LRP1B: variants seen among roughly 807,000 people sequenced by gnomAD.
The protein encoded by LRP1B is low-density lipoprotein receptor-related protein 1B.
Under a neutral mutation model 556.6 loss-of-function variants are expected in LRP1B, and 217 were observed. The observed-to-expected ratio is 0.39, with a 90% confidence interval of 0.35 to 0.44. The LOEUF (loss-of-function observed/expected upper bound fraction) is 0.44, where lower values mean the gene tolerates loss of function less well. LRP1B is among the 20% of genes least tolerant of loss of function. The pLI is 1.00. For synonymous variants in LRP1B, 2,047 were observed against 1,865.8 expected (o/e 1.10, Z -2.50); for missense variants, 5,053 against 5,620.8 (o/e 0.90, Z 3.23).
intron 2 of LRP1B, among the ~76,000 whole-genome samples, chr2:141,608,720 T>G (rs1045559861): frequency 6.6e-6 from 1 of 152,210 alleles, no homozygotes; most frequent in Admixed American, 6.5e-5. Context: ...ATAAAGGATA[T>G]ATGGCCCATT....
chr2:141,113,835 C>T (rs1309631277), intron 7 of LRP1B, among the ~76,000 whole-genome samples: 1 of 152,090 alleles, frequency 6.6e-6, no homozygotes, highest in Admixed American at 6.6e-5. Flanking sequence ...ACTTATACTA[C>T]TTATTGGTAG....
intron 1 of LRP1B, among the ~76,000 whole-genome samples, chr2:142,055,845 TA>T (rs1219244286): frequency 1.3e-5 from 2 of 152,144 alleles, no homozygotes; most frequent in Non-Finnish European, 2.9e-5. Flanking sequence ...ACTATTTCTC[TA>T]TTTTTCAGAA....
chr2:141,274,269 GTTAC>G (rs1312481975), intron 3 of LRP1B, among the ~76,000 whole-genome samples: 2 of 152,196 alleles, frequency 1.3e-5, no homozygotes, highest in South Asian at 2.1e-4. Context: ...TCATAGCAGA[GTTAC>G]TTACAGTAGC....
At chr2:140,409,158 G>T (rs1684868069) in intron 66 of LRP1B, among the ~76,000 whole-genome samples, 2 of 151,918 alleles carry the variant, frequency 1.3e-5, no homozygotes, top group African/African-American at 4.8e-5. Context: ...CTGCCATGAT[G>T]AATTCATTGG....
At chr2:141,624,827 T>TG (rs1688644738) in intron 2 of LRP1B, among the ~76,000 whole-genome samples, 1 of 152,340 alleles carries the variant, frequency 6.6e-6, no homozygotes, top group Admixed American at 6.5e-5. Context: ...TGGAGTGCAG[T>TG]GGCGCGATCT....
At chr2:140,968,230 G>A (rs868277553) in intron 18 of LRP1B, among the ~76,000 whole-genome samples, 4 of 151,838 alleles carry the variant, frequency 2.6e-5, no homozygotes, top group African/African-American at 9.7e-5. Flanking sequence ...TCTATTCAGG[G>A]ATTCAACTTC....
At chr2:140,284,880 C>A (rs1431502469) in intron 84 of LRP1B, among the ~76,000 whole-genome samples, 7 of 98,652 alleles carry the variant, frequency 7.1e-5, no homozygotes, top group East Asian at 2.8e-4. Flanking sequence ...ATATATCTAT[C>A]TATATCTATA....
intron 7 of LRP1B, among the ~76,000 whole-genome samples, chr2:141,125,152 C>G (rs1215950774): frequency 1.3e-5 from 2 of 152,070 alleles, no homozygotes; most frequent in East Asian, 3.9e-4. Context: ...TTTGGATACC[C>G]AAGACAAGTA....
At chr2:141,946,223 C>T (rs565338628) in intron 1 of LRP1B, among the ~76,000 whole-genome samples, 1 of 152,114 alleles carries the variant, frequency 6.6e-6, no homozygotes. Context: ...GCTCCATTCC[C>T]TTTATCTTCT....
intron 7 of LRP1B, among the ~76,000 whole-genome samples, chr2:141,078,702 G>A (rs754696004): frequency 1.3e-5 from 2 of 152,196 alleles, no homozygotes; most frequent in African/African-American, 2.4e-5. Flanking sequence ...CCTTTGAGTT[G>A]TCCCAGGCAA....
chr2:140,938,595 C>T (rs1310927384), intron 20 of LRP1B, among the ~76,000 whole-genome samples: 1 of 151,994 alleles, frequency 6.6e-6, no homozygotes, highest in Non-Finnish European at 1.5e-5. Flanking sequence ...TATTCTATAG[C>T]TGCAGAGACA....
At chr2:141,869,883 C>T (rs1698527507) in intron 1 of LRP1B, among the ~76,000 whole-genome samples, 1 of 151,976 alleles carries the variant, frequency 6.6e-6, no homozygotes, top group South Asian at 2.1e-4. Flanking sequence ...CCCCCAGCAA[C>T]AAAACATAAA....
chr2:141,296,096 G>A (rs1238630611), intron 3 of LRP1B, among the ~76,000 whole-genome samples: 1 of 151,992 alleles, frequency 6.6e-6, no homozygotes, highest in Non-Finnish European at 1.5e-5. Context: ...ATGTACAAAG[G>A]AGCAAAGTCT....
At chr2:141,146,189 G>C (rs570849595) in intron 7 of LRP1B, among the ~76,000 whole-genome samples, 65 of 152,140 alleles carry the variant, frequency 4.3e-4, no homozygotes, top group African/African-American at 1.5e-3. Flanking sequence ...CTCCCAAAGT[G>C]CTGGGATTAC....
intron 46 of LRP1B, among the ~76,000 whole-genome samples, chr2:140,534,565 A>G (rs1048382190): frequency 2.6e-5 from 4 of 152,154 alleles, no homozygotes; most frequent in African/African-American, 7.2e-5. Context: ...AAAGCAACAA[A>G]GCACGTATTC....
chr2:140,729,385 G>A (rs1277285195), intron 35 of LRP1B, among the ~76,000 whole-genome samples: 1 of 152,130 alleles, frequency 6.6e-6, no homozygotes, highest in Non-Finnish European at 1.5e-5. Flanking sequence ...TATGCTTACT[G>A]TGTAAGGGCT....
chr2:140,252,722 G>C (rs1681501219), intron 86 of LRP1B, among the ~76,000 whole-genome samples: 1 of 151,916 alleles, frequency 6.6e-6, no homozygotes, highest in African/African-American at 2.4e-5. Flanking sequence ...ACACTGCCTT[G>C]GACCTGTGGT....
chr2:140,803,054 G>C lies in LRP1B; in HGVS notation c.5359+10603C>G, dbSNP rs187551816. Among the ~76,000 whole-genome samples, 557 of 152,104 alleles carry C rather than the reference G, an allele frequency of 3.7e-3. 2 individuals are homozygous for C. The highest frequency in any genetic ancestry group is 4.3e-3 in the Non-Finnish European group (290 of 67,988). On this transcript the variant is annotated intron_variant, in intron 32 of 90. Transcript: ENST00000389484. ...CCAATTTCAATCCTACATGCCTCATGAAGTCCCCCTCTGAAGACATTTGGA... is the reference window on the plus strand; with the variant it reads ...CCAATTTCAATCCTACATGCCTCATCAAGTCCCCCTCTGAAGACATTTGGA...
intron 7 of LRP1B, among the ~76,000 whole-genome samples, chr2:141,158,322 A>G (rs986558397): frequency 3.9e-5 from 6 of 152,328 alleles, no homozygotes; most frequent in African/African-American, 1.4e-4. Context: ...AACTCAAATC[A>G]TATAATAAAA....
Sources: gnomAD v4.1 joint callset for allele counts (sites outside exome capture counted in the v4.1 genomes callset) on GRCh38, gnomAD v4.1.1 for gene constraint, MANE v1.5 for transcripts, NCBI Gene and HGNC (gene_info 2026-07-23, HGNC 2026-07-21) for gene names.